EXTL3: variants seen among roughly 807,000 people sequenced by gnomAD.
The protein encoded by EXTL3 is exostosin like glycosyltransferase 3, also known as exostosin-like 3.
In EXTL3, 27 loss-of-function variants were observed where a neutral mutation model predicts 69.3. The observed-to-expected ratio is 0.39, with a 90% CI of 0.29 to 0.54. The LOEUF is 0.54. Among genes scored for constraint, EXTL3 ranks in the 20% least tolerant of loss-of-function variants. The pLI is 0.69. For synonymous variants in EXTL3, 511 were observed against 499.4 expected, an observed-to-expected ratio of 1.02 and a Z score of -0.31; for missense variants, 1,003 against 1,231.8, an observed-to-expected ratio of 0.81 and a Z score of 2.78.
At chr8:28,661,166 G>C (rs1260377827) in intron 1 of EXTL3, among the ~76,000 whole-genome samples, 1 of 151,880 alleles carries the variant, frequency 6.6e-6, no homozygotes, top group Non-Finnish European at 1.5e-5. Flanking sequence ...GCCCGCCTCA[G>C]CCTCCCAAAG....
rs576609741 is a variant in EXTL3 at position 28,635,084 on chromosome 8, C to T, written c.-53+12274C>T. 1.6e-4 allele frequency among the ~76,000 whole-genome samples: 25 copies of T among 151,974 alleles called. No homozygotes were observed. The South Asian group carries it at 4.0e-3, about 24-fold the overall frequency. ...AATGAGGATGAGTCCTCTGAAGGAC[C>T]GGGAGGAATGAACTTTCTAGCTCAA... On this transcript the variant is annotated intron_variant, in intron 1 of 6. Coordinates refer to the EXTL3 transcript ENST00000523149.
intron 1 of EXTL3, among the ~76,000 whole-genome samples, chr8:28,684,381 C>T (rs1687375389): frequency 6.6e-6 from 1 of 152,104 alleles, no homozygotes; most frequent in Non-Finnish European, 1.5e-5. Context: ...TACTATCTAT[C>T]ATCAGTGCTT....
intron 2 of EXTL3, among the ~76,000 whole-genome samples, chr8:28,609,501 C>T (rs556994893): frequency 2.2e-4 from 34 of 151,436 alleles, no homozygotes; most frequent in Non-Finnish European, 4.0e-4. Flanking sequence ...GATTATGTTG[C>T]CTTTTTAAAG....
At chr8:28,713,810 T>G (rs1451146063) in intron 2 of EXTL3, among the ~76,000 whole-genome samples, 1 of 152,130 alleles carries the variant, frequency 6.6e-6, no homozygotes, top group East Asian at 1.9e-4. Context: ...TCTTGTCAGG[T>G]GTTCTTTGTA....
At chr8:28,695,327 C>T (rs1800670087) in intron 1 of EXTL3, among the ~76,000 whole-genome samples, 1 of 152,012 alleles carries the variant, frequency 6.6e-6, no homozygotes, top group African/African-American at 2.4e-5. Context: ...TGGGGTTTCA[C>T]CATGTTGGTC....
intron 1 of EXTL3, chr8:28,710,256 A>G: frequency 3.1e-6 from 1 of 324,440 alleles, no homozygotes; most frequent in African/African-American, 2.2e-5. Context: ...AAGATGGGAA[A>G]AGTAAATTTG....
intron 2 of EXTL3, among the ~76,000 whole-genome samples, chr8:28,715,280 C>T (rs1237739152): frequency 6.6e-6 from 1 of 152,112 alleles, no homozygotes; most frequent in Non-Finnish European, 1.5e-5. Flanking sequence ...CATCTTTGTC[C>T]CATGAATTTA....
At chr8:28,720,327 T>G (rs1299225266) in intron 3 of EXTL3, among the ~76,000 whole-genome samples, 2 of 152,202 alleles carry the variant, frequency 1.3e-5, no homozygotes, top group Non-Finnish European at 2.9e-5. Flanking sequence ...GCACCAGGGT[T>G]GTTCCCAGGC....
In EXTL3 at chr8:28,674,020, T is replaced by C. The variant is rs1222586087; in HGVS notation, c.-52-39437T>C. 2.6e-5 allele frequency among the ~76,000 whole-genome samples: 4 copies of C among 152,224 alleles called. No individual in the cohort carries two copies. The East Asian group carries it at 7.7e-4, about 29-fold the overall frequency. On this transcript the variant is annotated intron_variant, in intron 1 of 6. Transcript: ENST00000523149. ...CACAGAATACTGTGTTGGATACTCC[T>C]AATCAACCAACTATAGAATCAATGA...
Position 28,718,037 on chromosome 8 carries a change from C to G in EXTL3, c.1978C>G (p.Arg660Gly). Residue 660 changes from arginine (R) to glycine (G), a missense_variant, in exon 3 of 7, where the codon CGA becomes GGA. Arg to Gly is a moderately radical substitution (Grantham distance 125). Transcript: ENST00000220562. ...FQAALGGNVP[R>G]EQFTVVMLTY... ...GGCAGCGCTTGGAGGCAATGTTCCCCGAGAGCAGTTCACGGTGGTGATGTT... is the reference window on the plus strand; with the variant it reads ...GGCAGCGCTTGGAGGCAATGTTCCCGGAGAGCAGTTCACGGTGGTGATGTT... 6.2e-7 allele frequency: 1 copy of G among 1,613,946 alleles called. No individual in the cohort carries two copies. Among genetic ancestry groups the G allele is most frequent in the Non-Finnish European group, 8.5e-7 (1 of 1,180,004 alleles).
At chr8:28,687,384 T>C (rs968295037) in intron 1 of EXTL3, among the ~76,000 whole-genome samples, 3 of 152,140 alleles carry the variant, frequency 2.0e-5, no homozygotes, top group Non-Finnish European at 4.4e-5. Flanking sequence ...GAGAATCGCT[T>C]GAACCCAGGA....
chr8:28,717,299 C>T lies in EXTL3; in HGVS notation c.1240C>T (p.Leu414=). The change falls in exon 3 of 7, where the codon CTG becomes TTG. Residue 414 remains leucine, a synonymous_variant. Transcript: ENST00000220562. The surrounding 1 kb of genome is among the most constrained non-coding windows in gnomAD (Gnocchi z 8.3). Reference sequence around the variant, plus strand: ...ACCCAGCCTGCCGACTGAGTGGGCACTGTGTGGAGAGCGGGAGGACCGCTT... The same window carrying T: ...ACCCAGCCTGCCGACTGAGTGGGCATTGTGTGGAGAGCGGGAGGACCGCTT... ...PKPSLPTEWA[L]CGEREDRLEL... 6.2e-7 allele frequency: 1 copy of T among 1,614,232 alleles called. No individual in the cohort carries two copies. Among genetic ancestry groups the T allele is most frequent in the Non-Finnish European group, 8.5e-7 (1 of 1,180,054 alleles).
intron 1 of EXTL3, among the ~76,000 whole-genome samples, chr8:28,645,283 T>A (rs1256098752): frequency 2.0e-5 from 3 of 152,248 alleles, no homozygotes; most frequent in Non-Finnish European, 4.4e-5. Flanking sequence ...AGTCTACTTC[T>A]GGAAATCTAT....
intron 1 of EXTL3, among the ~76,000 whole-genome samples, chr8:28,625,431 C>T (rs1332606807): frequency 6.6e-6 from 1 of 152,146 alleles, no homozygotes; most frequent in Non-Finnish European, 1.5e-5. Flanking sequence ...TCTGTGGCTT[C>T]CCCCTTTGTG....
In EXTL3 at chr8:28,717,393, C is replaced by T; in HGVS notation, c.1334C>T (p.Ser445Phe). ...GGGGACCCTCGCTTGGTTATTTCCT[C>T]TGGGTGTGCAACACGGCTCTTCGAA... Reference protein sequence around the residue: ...TPGDPRLVISSGCATRLFEAL... With the variant: ...TPGDPRLVISFGCATRLFEAL... Residue 445 changes from serine (S) to phenylalanine (F), a missense_variant, in exon 3 of 7, where the codon TCT becomes TTT. Physicochemically the swap from Ser to Phe is radical, Grantham distance 155. Coordinates refer to ENST00000220562, the MANE Select transcript of EXTL3 (RefSeq NM_001440.4). This position sits in a 1 kb window ranked among gnomAD's most constrained non-coding sequence, Gnocchi z 8.3. 1.9e-6 allele frequency: 3 copies of T among 1,614,250 alleles called. No homozygotes were observed. In the South Asian group the frequency reaches 3.3e-5, roughly 18 times the overall value.
At chr8:28,675,628 G>A (rs897691799) in intron 1 of EXTL3, among the ~76,000 whole-genome samples, 11 of 152,194 alleles carry the variant, frequency 7.2e-5, no homozygotes, top group Non-Finnish European at 1.0e-4. Flanking sequence ...ACTTCACCCA[G>A]TAGGTGGAAG....
chr8:28,696,713 T>C (rs904699784), upstream of EXTL3: 5 of 152,088 alleles, frequency 3.3e-5, no homozygotes, highest in Admixed American at 6.6e-5. Flanking sequence ...GCACATGCCA[T>C]GACAACTGGT....
intron 4 of EXTL3, among the ~76,000 whole-genome samples, chr8:28,732,550 A>G (rs924051647): frequency 1.3e-5 from 2 of 151,918 alleles, no homozygotes; most frequent in Non-Finnish European, 2.9e-5. Flanking sequence ...GCCACTCCCA[A>G]TTTTTCTCCA....
At chr8:28,684,656 C>G (rs1807547430) in intron 1 of EXTL3, among the ~76,000 whole-genome samples, 1 of 152,056 alleles carries the variant, frequency 6.6e-6, no homozygotes, top group African/African-American at 2.4e-5. Flanking sequence ...GTAAGAGGGT[C>G]ACTTGAACCG....
Sources: allele counts gnomAD v4.1 joint callset (sites outside exome capture counted in the v4.1 genomes callset), GRCh38; gene constraint gnomAD v4.1.1; non-coding constraint Gnocchi (gnomAD v3.1); transcripts MANE v1.5; gene names NCBI Gene and HGNC (gene_info 2026-07-23, HGNC 2026-07-21).